EPAS1: variants seen among roughly 807,000 people sequenced by gnomAD.
EPAS1 encodes endothelial PAS domain protein 1, also known as endothelial PAS domain-containing protein 1.
In EPAS1, 23 loss-of-function variants were observed where a neutral mutation model predicts 87.9. The observed-to-expected ratio is 0.26, with a 90% confidence interval of 0.19 to 0.37. The LOEUF (loss-of-function observed/expected upper bound fraction) is 0.37, where lower values mean the gene tolerates loss of function less well. Among genes scored for constraint, EPAS1 ranks in the 10% least tolerant of loss-of-function variants. The pLI is 1.00. For synonymous variants in EPAS1, 508 were observed against 444.3 expected, an observed-to-expected ratio of 1.14 and a Z score of -1.80; for missense variants, 1,138 against 1,120.7, an observed-to-expected ratio of 1.02 and a Z score of -0.22.
intron 1 of EPAS1, among the ~76,000 whole-genome samples, chr2:46,325,890 C>T (rs1432734482): frequency 6.6e-6 from 1 of 152,086 alleles, no homozygotes; most frequent in East Asian, 1.9e-4. Flanking sequence ...AGTGAAAGCC[C>T]CTTACCTTCA....
At position 46,376,706 on chromosome 2, in the gene EPAS1, C is replaced by G. The variant is rs756463365; in HGVS notation, c.1202C>G (p.Ala401Gly). ...CTAAAGGAGGAGCCCGAGGAGCTGG[C>G]CCAGCTGGCTCCCACCCCAGGAGAC... ...TKLKEEPEEL[A>G]QLAPTPGDAI... Residue 401 changes from alanine to glycine, a missense_variant, in exon 9 of 16, where the codon GCC (alanine) becomes GGC (glycine). Physicochemically the swap from Ala to Gly is moderately conservative, Grantham distance 60. This residue lies in a region of EPAS1 where 284 missense variants were observed against 258.4 expected (regional missense o/e 1.10). Transcript: ENST00000263734. The G allele has an allele frequency of 6.2e-7, 1 of 1,613,218 alleles. No homozygotes were observed. The highest frequency in any genetic ancestry group is 1.3e-5 in the African/African-American group (1 of 74,856).
intron 1 of EPAS1, among the ~76,000 whole-genome samples, chr2:46,329,594 C>A (rs576114634): frequency 1.3e-5 from 2 of 152,040 alleles, no homozygotes; most frequent in Non-Finnish European, 1.5e-5. Context: ...GAGGCCGAGG[C>A]GGGTGGATCA....
intron 1 of EPAS1, among the ~76,000 whole-genome samples, chr2:46,307,853 A>C (rs961183449): frequency 1.1e-4 from 16 of 152,308 alleles, no homozygotes; most frequent in East Asian, 9.7e-4. Context: ...TCCTCGGAGC[A>C]CAGAGAATCT....
chr2:46,316,727 G>A (rs1683348662), intron 1 of EPAS1, among the ~76,000 whole-genome samples: 1 of 152,102 alleles, frequency 6.6e-6, no homozygotes, highest in Non-Finnish European at 1.5e-5. Context: ...TGGGGTGGCT[G>A]TGGCAATTCC....
intron 2 of EPAS1, among the ~76,000 whole-genome samples, chr2:46,353,277 A>C (rs1285295427): frequency 6.6e-6 from 1 of 152,240 alleles, no homozygotes; most frequent in Non-Finnish European, 1.5e-5. Context: ...AGCTCTCAGC[A>C]TGTGGTCCTA....
In EPAS1 at chr2:46,384,927, C is replaced by T. The variant is rs893478361; in HGVS notation, c.*267C>T. On this transcript the variant is annotated 3_prime_UTR_variant, in exon 16 of 16. Coordinates refer to ENST00000263734, the MANE Select transcript of EPAS1 (RefSeq NM_001430.5). Reference sequence around the variant, plus strand: ...TTTTTTTCCTCCCCACCTTCAATGACTTCTAATTTATATTATCCATAGGTT... The same window carrying T: ...TTTTTTTCCTCCCCACCTTCAATGATTTCTAATTTATATTATCCATAGGTT... The T allele has an allele frequency of 1.2e-5, 6 of 497,640 alleles. No homozygotes were observed. Among genetic ancestry groups the T allele is most frequent in the Non-Finnish European group, 1.8e-5 (5 of 273,284 alleles). 30.8% of individuals were successfully genotyped at this position (497,640 alleles called of 1,614,324 possible).
intron 15 of EPAS1, among the ~76,000 whole-genome samples, chr2:46,382,799 G>T (rs1405836586): frequency 1.3e-5 from 2 of 152,206 alleles, no homozygotes; most frequent in African/African-American, 4.8e-5. Flanking sequence ...AGGCCCCCCA[G>T]TGGGTGGGTC....
chr2:46,380,567 G>T lies in EPAS1; in HGVS notation c.1895G>T (p.Gly632Val). The change falls in exon 12 of 16, where the codon GGG becomes GTG. Residue 632 changes from glycine to valine, a missense_variant. Gly to Val is a moderately radical substitution (Grantham distance 109). Transcript: ENST00000263734. This position sits in a 1 kb window ranked among gnomAD's most constrained non-coding sequence, Gnocchi z 4.4. ...GQASTPLSSM[G>V]GRSNTQWPPD... ...GCCAGCACCCCTCTCTCTTCCATGG[G>T]GGGCAGATCCAATACCCAGTGGCCC... 6.2e-7 allele frequency: 1 copy of T among 1,614,066 alleles called. No homozygotes were observed. The highest frequency in any genetic ancestry group is 1.1e-5 in the South Asian group (1 of 91,070).
At chr2:46,350,357 C>G (rs1684123613) in intron 2 of EPAS1, among the ~76,000 whole-genome samples, 2 of 152,146 alleles carry the variant, frequency 1.3e-5, no homozygotes, top group Non-Finnish European at 2.9e-5. Context: ...CTAAAAAATA[C>G]CAGGTTTTTC....
chr2:46,358,948 G>C (rs1684327291), intron 4 of EPAS1, among the ~76,000 whole-genome samples: 1 of 152,148 alleles, frequency 6.6e-6, no homozygotes, highest in Admixed American at 6.5e-5. Context: ...GGAGTGATCT[G>C]TGTGGAGCAG....
chr2:46,373,058 ATGT>A (rs1467942024), intron 7 of EPAS1, among the ~76,000 whole-genome samples: 2 of 152,180 alleles, frequency 1.3e-5, no homozygotes, highest in African/African-American at 2.4e-5. Context: ...GCCACCAGAC[ATGT>A]TGTGTAGCTC....
intron 6 of EPAS1, among the ~76,000 whole-genome samples, chr2:46,362,767 A>G (rs956391723): frequency 1.4e-4 from 21 of 152,204 alleles, no homozygotes; most frequent in African/African-American, 5.1e-4. Flanking sequence ...GAACTTTTGT[A>G]AAAGTATCCT....
intron 6 of EPAS1, among the ~76,000 whole-genome samples, chr2:46,365,426 T>C (rs1558604072): frequency 6.6e-6 from 1 of 152,226 alleles, no homozygotes; most frequent in Non-Finnish European, 1.5e-5. Context: ...GATAAATTTA[T>C]GGTGAATTGT....
At chr2:46,329,969 T>C (rs1007741611) in intron 1 of EPAS1, among the ~76,000 whole-genome samples, 5 of 152,360 alleles carry the variant, frequency 3.3e-5, no homozygotes, top group South Asian at 2.1e-4. Flanking sequence ...AGTTCACTTA[T>C]AGGCATTGAG....
At chr2:46,299,873 A>G (rs532077354) in intron 1 of EPAS1, among the ~76,000 whole-genome samples, 2 of 152,212 alleles carry the variant, frequency 1.3e-5, no homozygotes, top group South Asian at 4.1e-4. Flanking sequence ...GCGTAATTAG[A>G]CTCCCAATTA....
chr2:46,297,708 A>G lies in EPAS1; in HGVS notation c.-204A>G, dbSNP rs1449551363. 6.7e-6 allele frequency: 4 copies of G among 598,936 alleles called. No homozygotes were observed. The highest frequency in any genetic ancestry group is 3.0e-5 in the East Asian group (1 of 33,334). The allele number at this position is 598,936 out of a possible 1,614,324, so 37.1% of individuals were successfully genotyped here. A position where few individuals can be genotyped will look rare whatever the true frequency, so the allele number is the denominator to read the frequency against. Reference sequence around the variant, plus strand: ...CCGCCTCCGCGCGCAGGTTCCTCCCAGTCACCTTTCTCCACCCCCGCCCCC... The same window carrying G: ...CCGCCTCCGCGCGCAGGTTCCTCCCGGTCACCTTTCTCCACCCCCGCCCCC... On this transcript the variant is annotated 5_prime_UTR_variant, in exon 1 of 16. Transcript: ENST00000263734.
chr2:46,318,256 T>TTA (rs1438796440), intron 1 of EPAS1, among the ~76,000 whole-genome samples: 1 of 151,688 alleles, frequency 6.6e-6, no homozygotes. Context: ...CACACAACAT[T>TTA]TATTAAGATC....
chr2:46,300,256 G>A lies in EPAS1; in HGVS notation c.26+2319G>A, dbSNP rs1159283189. On this transcript the variant is annotated intron_variant, in intron 1 of 15. Transcript: ENST00000263734. This position sits in a 1 kb window ranked among gnomAD's most constrained non-coding sequence, Gnocchi z 4.1. ...GTAGCTTTTCTGAGTGCCTCACAAG[G>A]GCGATGTGACAGTGAGGGGGCTCTC... 6.6e-6 allele frequency among the ~76,000 whole-genome samples: 1 copy of A among 152,222 alleles called. No individual in the cohort carries two copies. Among genetic ancestry groups the A allele is most frequent in the Non-Finnish European group, 1.5e-5 (1 of 68,046 alleles).
intron 6 of EPAS1, among the ~76,000 whole-genome samples, chr2:46,363,133 C>G (rs1375461745): frequency 6.6e-6 from 1 of 152,200 alleles, no homozygotes; most frequent in Non-Finnish European, 1.5e-5. Flanking sequence ...GGTGAACATT[C>G]TGGGCAGAAG....
Sources: allele counts gnomAD v4.1 joint callset (sites outside exome capture counted in the v4.1 genomes callset), GRCh38; gene constraint gnomAD v4.1.1; regional missense constraint gnomAD v4.1.1; non-coding constraint Gnocchi (gnomAD v3.1); transcripts MANE v1.5; gene names NCBI Gene and HGNC (gene_info 2026-07-23, HGNC 2026-07-21).